Variants in ARHGEF10 observed in about 807,000 individuals in gnomAD.
ARHGEF10 encodes Rho guanine nucleotide exchange factor 10.
A neutral mutation model predicts 147.4 loss-of-function variants in ARHGEF10; 140 were observed. The observed-to-expected ratio is 0.95, with a 90% CI of 0.83 to 1.09. The LOEUF (loss-of-function observed/expected upper bound fraction) is 1.09. Among genes scored for constraint, ARHGEF10 ranks in the 50% least tolerant of loss-of-function variants. The pLI, the probability that ARHGEF10 is intolerant of heterozygous loss-of-function variation, is 0.00. For synonymous variants in ARHGEF10, 902 were observed against 695.8 expected, an observed-to-expected ratio of 1.30 and a Z score of -4.67; for missense variants, 2,222 against 1,752.7, an observed-to-expected ratio of 1.27 and a Z score of -4.78.
intron 11 of ARHGEF10, among the ~76,000 whole-genome samples, chr8:1,890,837 G>A (rs531683215): frequency 6.6e-6 from 1 of 152,240 alleles, no homozygotes; most frequent in African/African-American, 2.4e-5. Flanking sequence ...CCAAGGGCCT[G>A]TCTGTTGGGT....
chr8:1,827,955 G>C (rs887787610), intron 1 of ARHGEF10, among the ~76,000 whole-genome samples: 1 of 152,188 alleles, frequency 6.6e-6, no homozygotes. Context: ...GGCTGTCTGC[G>C]TAGAATAGGC....
intron 2 of ARHGEF10, among the ~76,000 whole-genome samples, chr8:1,849,597 AGACG>A (rs1168325802): frequency 2.1e-5 from 3 of 143,184 alleles, no homozygotes; most frequent in Non-Finnish European, 3.0e-5. Flanking sequence ...GCGTGGACAC[AGACG>A]GCAAATGCTG....
intron 11 of ARHGEF10, among the ~76,000 whole-genome samples, chr8:1,887,811 A>G (rs781402138): frequency 8.3e-6 from 1 of 120,656 alleles, no homozygotes; most frequent in Non-Finnish European, 1.7e-5. Flanking sequence ...TTGTGGGGAG[A>G]TGCTGAGGAG....
intron 26 of ARHGEF10, among the ~76,000 whole-genome samples, chr8:1,940,367 A>T (rs1813986480): frequency 6.6e-6 from 1 of 152,226 alleles, no homozygotes; most frequent in Non-Finnish European, 1.5e-5. Context: ...AACAAATTAG[A>T]TAATCTAGAA....
rs1554493568 is a variant in ARHGEF10, at chr8:1,888,672, GGGTTTGTGAGGAGACACTGAATAGGGTGA to G, written c.1182+3044_1182+3072del. Among the ~76,000 whole-genome samples, 384 of 116,446 alleles carry G rather than the reference GGGTTTGTGAGGAGACACTGAATAGGGTGA, an allele frequency of 3.3e-3. 27 individuals are homozygous for G. Among genetic ancestry groups the G allele is most frequent in the Non-Finnish European group, 4.4e-3 (260 of 59,018 alleles). The allele number at this position is 116,446 out of a possible 152,430, so 76.4% of individuals were successfully genotyped here. On this transcript the variant is annotated intron_variant, in intron 11 of 28. Coordinates refer to ENST00000349830, the MANE Select transcript of ARHGEF10 (RefSeq NM_014629.4). ...CCTGAGGAAACACTGAGTTGGGTGA[GGGTTTGTGAGGAGACACTGAATAGGGTGA>G]GGTTTGTGAGGAGACACTGAATAGG...
Position 1,937,317 on chromosome 8 carries a change from C to T in ARHGEF10, c.3222+3375C>T, listed in dbSNP as rs1813695669. ...CGGTCACAGCTTCTTGAGTTTTTCACAGCCCTTGTACCCCATCAGTACAGC... is the reference window on the plus strand; with the variant it reads ...CGGTCACAGCTTCTTGAGTTTTTCATAGCCCTTGTACCCCATCAGTACAGC... On this transcript the variant is annotated intron_variant, in intron 26 of 28. Coordinates refer to ENST00000349830, the MANE Select transcript of ARHGEF10 (RefSeq NM_014629.4). This position sits in a 1 kb window ranked among gnomAD's most constrained non-coding sequence, Gnocchi z 4.9. Among the ~76,000 whole-genome samples, 1 of 152,150 alleles carries T rather than the reference C, an allele frequency of 6.6e-6. No homozygotes were observed. The highest frequency in any genetic ancestry group is 1.5e-5 in the Non-Finnish European group (1 of 68,044).
At chr8:1,897,743 A>G (rs1408457832) in intron 14 of ARHGEF10, among the ~76,000 whole-genome samples, 4 of 151,994 alleles carry the variant, frequency 2.6e-5, no homozygotes, top group African/African-American at 7.2e-5. Flanking sequence ...CCCTCTGGGG[A>G]TTTTGCTGTA....
intron 1 of ARHGEF10, 72 bp from the exon 2 acceptor site, chr8:1,843,281 G>T: frequency 8.2e-7 from 1 of 1,217,536 alleles, no homozygotes; most frequent in South Asian, 1.3e-5. Flanking sequence ...GTTCTCTGTC[G>T]ACAGCCCTAC....
intron 2 of ARHGEF10, among the ~76,000 whole-genome samples, chr8:1,853,801 G>A (rs565574068): frequency 2.1e-4 from 32 of 152,304 alleles, no homozygotes; most frequent in African/African-American, 7.2e-4. Context: ...TCCAGCGCCC[G>A]CCGGCTGTGG....
At chr8:1,867,604 C>T (rs1204767408) in intron 6 of ARHGEF10, among the ~76,000 whole-genome samples, 1 of 152,200 alleles carries the variant, frequency 6.6e-6, no homozygotes. Context: ...ATTCTTTCTC[C>T]CTTTAAGTTG....
chr8:1,858,157 T>TCCCCAGGTGGGTCCCCAGGTGGGA, intron 3 of ARHGEF10, 42 bp downstream of exon 3: 1 of 1,571,236 alleles, frequency 6.4e-7, no homozygotes, highest in South Asian at 1.1e-5. Flanking sequence ...CCCAGGTGGG[T>TCCCCAGGTGGGTCCCCAGGTGGGA]CCCCAGGTGA....
chr8:1,869,112 C>T (rs554420524), intron 6 of ARHGEF10, 82 bp from the exon 7 acceptor site: 32 of 1,239,030 alleles, frequency 2.6e-5, no homozygotes, highest in South Asian at 6.0e-5. Context: ...ATGACATCAT[C>T]GGCGACTGTG....
rs1379601241 is a variant in ARHGEF10 at position 1,823,976 on chromosome 8, G to C, written c.-185G>C. 8 of 136,204 alleles carry C rather than the reference G, an allele frequency of 5.9e-5. No homozygotes were observed. The East Asian group carries it at 1.7e-3, about 30-fold the overall frequency. 8.4% of individuals were successfully genotyped at this position (136,204 alleles called of 1,614,324 possible). On this transcript the variant is annotated 5_prime_UTR_variant, in exon 1 of 29. Coordinates refer to ENST00000349830, the MANE Select transcript of ARHGEF10 (RefSeq NM_014629.4). ...GGCGGGCGCGCGATCCGGGACGGAC[G>C]GGGTCGCGGGGGACGCGGGGGACGC... is the stretch of plus-strand genomic sequence containing the variant.
chr8:1,858,948 C>T (rs1034127278), intron 3 of ARHGEF10: 9 of 144,536 alleles, frequency 6.2e-5, no homozygotes, highest in African/African-American at 8.9e-5. Context: ...TGGCTTGTAC[C>T]GTGTTTCTTT....
In ARHGEF10 at chr8:1,903,425, G is replaced by A; in HGVS notation, c.1795G>A (p.Ala599Thr). ...QRCEVKQIAK[A>T]INERYLNKLL... ...CTGTGAAGTGAAGCAAATAGCCAAA[G>A]CCATAAACGAAAGATACCTGAACAA... is the stretch of plus-strand genomic sequence containing the variant. The change falls in exon 16 of 29, where the codon GCC (alanine) becomes ACC (threonine). Residue 599 changes from alanine (A) to threonine (T), a missense_variant. Transcript: ENST00000349830. 6.2e-7 allele frequency: 1 copy of A among 1,614,210 alleles called. No homozygotes were observed. The highest frequency in any genetic ancestry group is 8.5e-7 in the Non-Finnish European group (1 of 1,180,040).
At chr8:1,890,462 GT>G (rs1348990255) in intron 11 of ARHGEF10, among the ~76,000 whole-genome samples, 5 of 150,276 alleles carry the variant, frequency 3.3e-5, no homozygotes, top group East Asian at 2.0e-4. Context: ...AGTGGGGTGA[GT>G]GTTGTGAGGA....
chr8:1,922,840 A>G (rs1203939526), intron 18 of ARHGEF10, 124 bp from the exon 19 acceptor site: 4 of 669,374 alleles, frequency 6.0e-6, no homozygotes, highest in Non-Finnish European at 1.0e-5. Context: ...CACTTTTTAA[A>G]AGTTCTAGAT....
intron 26 of ARHGEF10, among the ~76,000 whole-genome samples, chr8:1,938,698 G>A (rs754498063): frequency 2.6e-5 from 4 of 152,188 alleles, no homozygotes; most frequent in Admixed American, 1.3e-4. Context: ...CCACTTGGGA[G>A]GCTGAGGCAG....
chr8:1,936,455 A>C (rs1326175231), intron 26 of ARHGEF10, among the ~76,000 whole-genome samples: 1 of 152,184 alleles, frequency 6.6e-6, no homozygotes, highest in Non-Finnish European at 1.5e-5. Flanking sequence ...GGCTGCAGTG[A>C]GCCAAGATCG....
Sources: allele counts gnomAD v4.1 joint callset (sites outside exome capture counted in the v4.1 genomes callset), GRCh38; gene constraint gnomAD v4.1.1; non-coding constraint Gnocchi (gnomAD v3.1); transcripts MANE v1.5; gene names NCBI Gene and HGNC (gene_info 2026-07-23, HGNC 2026-07-21).